The following CEP104 variants were observed in gnomAD, a reference collection of about 807,000 sequenced individuals.
CEP104 encodes centrosomal protein 104, also known as centrosomal protein of 104 kDa.
CEP104 carries 84 observed loss-of-function variants against 113.3 expected under a neutral mutation model. That is an observed-to-expected ratio of 0.74 (90% CI 0.62 to 0.89). The LOEUF is 0.89. CEP104 is among the 40% of genes least tolerant of loss of function. CEP104 has a pLI of 0.00. For missense variants in CEP104, 1,053 were observed against 1,156.6 expected (o/e 0.91, Z 1.30); for synonymous variants, 378 against 421.7 (o/e 0.90, Z 1.27).
chr1:3,853,522 C>T (rs374184633), intron 1 of CEP104, among the ~76,000 whole-genome samples: 3 of 152,140 alleles, frequency 2.0e-5, no homozygotes, highest in South Asian at 2.1e-4. Context: ...TAAACATACC[C>T]CCACATAAAA....
At chr1:3,845,465 G>GGT in intron 4 of CEP104, 114 bp from the exon 5 acceptor site, 1 of 798,958 alleles carries the variant, frequency 1.3e-6, no homozygotes, top group Non-Finnish European at 2.1e-6. Flanking sequence ...GGAGTGCAGT[G>GGT]GTGTGATCAT....
At chr1:3,835,185 A>T (rs1489981693) in intron 10 of CEP104, 93 bp from the exon 11 acceptor site, 2 of 935,734 alleles carry the variant, frequency 2.1e-6, no homozygotes, top group Non-Finnish European at 3.0e-6. Context: ...AACTAAAATG[A>T]TTCATTTCTA....
At chr1:3,829,720 T>C (rs1191343070) in intron 14 of CEP104, 71 bp downstream of exon 14, 6 of 1,468,076 alleles carry the variant, frequency 4.1e-6, no homozygotes, top group Non-Finnish European at 5.7e-6. Context: ...TATTTACTTA[T>C]TTACGTACCG....
rs1269321691 is a variant in CEP104, at chr1:3,856,045, CAG to C, written c.-15+842_-15+843del. ...ATTAACTATAAATTAAACGGAAACT[CAG>C]TGTAGCAACTTCCATTTTGTTACAA... On this transcript the variant is annotated intron_variant, in intron 1 of 21. Transcript: ENST00000378230. 6.1e-6 allele frequency: 4 copies of C among 655,874 alleles called. No homozygotes were observed. The Admixed American group carries it at 2.5e-4, about 41-fold the overall frequency. The allele number at this position is 655,874 out of a possible 1,614,324, so 40.6% of individuals were successfully genotyped here.
At position 3,817,459 on chromosome 1, in the gene CEP104, G is replaced by A. The variant is rs187278527; in HGVS notation, c.2572-1089C>T. Reference sequence around the variant, plus strand: ...CCTGGTTCCTCTCTCACTCTCACCAGTGGCTGTCAGTTTCTGGCCACCTGC... The same window carrying A: ...CCTGGTTCCTCTCTCACTCTCACCAATGGCTGTCAGTTTCTGGCCACCTGC... On this transcript the variant is annotated intron_variant, in intron 20 of 21. Transcript: ENST00000378230. 2.3e-3 allele frequency among the ~76,000 whole-genome samples: 347 copies of A among 152,264 alleles called. 2 individuals carry two copies. Among genetic ancestry groups the A allele is most frequent in the Admixed American group, 5.6e-3 (85 of 15,284 alleles).
At position 3,852,746 on chromosome 1, in the gene CEP104, T is replaced by C. The variant is rs201112688; in HGVS notation, c.-14-325A>G. Among the ~76,000 whole-genome samples the C allele has an allele frequency of 2.6e-5, 4 of 152,154 alleles. No individual in the cohort carries two copies. In the East Asian group the frequency reaches 7.7e-4, roughly 29 times the overall value. On this transcript the variant is annotated intron_variant, in intron 1 of 21. Transcript: ENST00000378230. ...CCGTGAAGGAGACCTCATTTGAAAA[T>C]AGGGTCTCTGTGGGTGTGATCTAGT... is the stretch of plus-strand genomic sequence containing the variant.
At position 3,848,771 on chromosome 1, in the gene CEP104, A is replaced by G. The variant is rs1644557148; in HGVS notation, c.124T>C (p.Phe42Leu). 6.2e-7 allele frequency: 1 copy of G among 1,607,398 alleles called. No homozygotes were observed. Among genetic ancestry groups the G allele is most frequent in the Non-Finnish European group, 8.5e-7 (1 of 1,178,220 alleles). ...ATTTGAAGGACAATTTCTTGTGGAA[A>G]CTGGCAAAATCTGAAAGCAAACACA... ...SGWRSPRFCQ[F>L]PQEIVLQMVE... Residue 42 changes from phenylalanine to leucine, a missense_variant, in exon 3 of 22, where the codon TTT (phenylalanine) becomes CTT (leucine). Transcript: ENST00000378230.
In CEP104 at chr1:3,815,474, C is replaced by G; in HGVS notation, c.2706G>C (p.Lys902Asn). The G allele has an allele frequency of 6.2e-7, 1 of 1,612,754 alleles. No individual in the cohort carries two copies. Residue 902 changes from lysine (K) to asparagine (N), a missense_variant, in exon 22 of 22, where the codon AAG becomes AAC. Physicochemically the swap from Lys to Asn is moderately conservative, Grantham distance 94. Transcript: ENST00000378230. ...AVAASGPLGS[K>N]AGSKIPTPKG... ...TCGGGGTGGGGATCTTGCTTCCGGC[C>G]TTTGACCCCAAGGGGCCTGATGCGG...
At chr1:3,836,468 G>GTTTTTTTTTTTTTT in intron 10 of CEP104, 27 bp downstream of exon 10, 3 of 1,010,602 alleles carry the variant, frequency 3.0e-6, no homozygotes, top group South Asian at 1.5e-5. Context: ...CTGCCACCCC[G>GTTTTTTTTTTTTTT]TTTTTTTTTT....
At position 3,844,901 on chromosome 1, in the gene CEP104, T is replaced by A. The variant is rs72848418; in HGVS notation, c.566+6A>T. On this transcript the variant is annotated splice_donor_region_variant and intron_variant, in intron 6 of 21. Transcript: ENST00000378230. ...GAAGTTCATTGATGGGGAGCAGGAC[T>A]CTTACCTGGCGTACGTTCCTTCTAG... 0.098 allele frequency: 157,516 copies of A among 1,609,850 alleles called. 8,783 individuals are homozygous for A. The highest frequency in any genetic ancestry group is 0.22 in the African/African-American group (16,260 of 74,836).
chr1:3,817,845 G>A (rs1156562557), intron 20 of CEP104, among the ~76,000 whole-genome samples: 1 of 152,268 alleles, frequency 6.6e-6, no homozygotes, highest in African/African-American at 2.4e-5. Context: ...GCCTGGGCTT[G>A]TCTTGCTGTT....
chr1:3,822,306 C>T (rs905548658), intron 20 of CEP104, among the ~76,000 whole-genome samples: 5 of 152,182 alleles, frequency 3.3e-5, no homozygotes, highest in Non-Finnish European at 5.9e-5. Flanking sequence ...GCGCTGAGAG[C>T]GGCTGGGGGC....
At chr1:3,837,016 CT>C (rs1442410341) in intron 9 of CEP104, 1 of 517,302 alleles carries the variant, frequency 1.9e-6, no homozygotes, top group Non-Finnish European at 3.4e-6. Flanking sequence ...GCTATTACAT[CT>C]TTTTTTCTGA....
chr1:3,816,009 G>C (rs1199253367), intron 21 of CEP104: 2 of 418,938 alleles, frequency 4.8e-6, no homozygotes, highest in East Asian at 4.2e-5. Flanking sequence ...CAGTGATGTA[G>C]AAAGAGCGGA....
chr1:3,846,171 C>T (rs1039671796), intron 4 of CEP104, among the ~76,000 whole-genome samples: 14 of 151,668 alleles, frequency 9.2e-5, no homozygotes, highest in South Asian at 4.2e-4. Context: ...GAGACATCCA[C>T]GTGAGATTCA....
At chr1:3,852,254 G>C in intron 2 of CEP104, 41 bp downstream of exon 2, 1 of 1,584,226 alleles carries the variant, frequency 6.3e-7, no homozygotes, top group East Asian at 2.3e-5. Context: ...AGGGACCCGA[G>C]GCTGCCTCCC....
intron 4 of CEP104, 33 bp downstream of exon 4, chr1:3,847,442 G>A (rs1343878517): frequency 1.9e-6 from 3 of 1,540,684 alleles, no homozygotes; most frequent in African/African-American, 2.8e-5. Flanking sequence ...GAAGGTAGGG[G>A]CAGAATCAAA....
At chr1:3,826,835 C>T in intron 15 of CEP104, 91 bp from the exon 16 acceptor site, 2 of 1,349,396 alleles carry the variant, frequency 1.5e-6, no homozygotes, top group Non-Finnish European at 2.1e-6. Flanking sequence ...CACGAAAGCA[C>T]ATTTCTGGGT....
chr1:3,815,821 T>C (rs1643871951), intron 21 of CEP104, among the ~76,000 whole-genome samples: 2 of 152,124 alleles, frequency 1.3e-5, no homozygotes, highest in Admixed American at 1.3e-4. Flanking sequence ...CCTGAGTAGC[T>C]GGACTATAGG....
Sources: allele counts gnomAD v4.1 joint callset (sites outside exome capture counted in the v4.1 genomes callset), GRCh38; gene constraint gnomAD v4.1.1; transcripts MANE v1.5; gene names NCBI Gene and HGNC (gene_info 2026-07-23, HGNC 2026-07-21).